Variants in CSMD1 observed in about 807,000 individuals in gnomAD.
CSMD1 encodes the protein CUB and sushi domain-containing protein 1.
A neutral mutation model predicts 417.5 loss-of-function variants in CSMD1; 213 were observed. That is an observed-to-expected ratio of 0.51 (90% confidence interval 0.46 to 0.57). The LOEUF (loss-of-function observed/expected upper bound fraction) is 0.57. Among genes scored for constraint, CSMD1 ranks in the 20% least tolerant of loss-of-function variants. CSMD1 has a pLI of 0.00. For synonymous variants in CSMD1, 2,862 were observed against 1,736.8 expected, an observed-to-expected ratio of 1.65 and a Z score of -16.11; for missense variants, 6,923 against 4,529.7, an observed-to-expected ratio of 1.53 and a Z score of -15.17.
At chr8:4,653,461 C>G (rs530143987) in intron 1 of CSMD1, among the ~76,000 whole-genome samples, 1 of 152,084 alleles carries the variant, frequency 6.6e-6, no homozygotes, top group Non-Finnish European at 1.5e-5. Context: ...CCTTTCCAGG[C>G]TAAAATTTGC....
intron 1 of CSMD1, among the ~76,000 whole-genome samples, chr8:4,647,723 G>A (rs1803625738): frequency 6.6e-6 from 1 of 152,150 alleles, no homozygotes; most frequent in African/African-American, 2.4e-5. Context: ...CTTCATCCAT[G>A]TCCCTGCAAA....
intron 49 of CSMD1, among the ~76,000 whole-genome samples, chr8:3,086,866 C>G (rs1814567940): frequency 6.6e-6 from 1 of 152,160 alleles, no homozygotes; most frequent in South Asian, 2.1e-4. Context: ...GTTAGAATAA[C>G]TTGACCCAGG....
At chr8:3,532,132 C>G (rs1443790520) in intron 10 of CSMD1, among the ~76,000 whole-genome samples, 2 of 152,168 alleles carry the variant, frequency 1.3e-5, no homozygotes, top group Non-Finnish European at 2.9e-5. Flanking sequence ...TGGGACTCCT[C>G]TCTGGAGTAG....
rs969066729 is a variant in CSMD1, at chr8:3,188,928, A to G, written c.5482T>C (p.Cys1828Arg). 6.2e-7 allele frequency: 1 copy of G among 1,608,374 alleles called. No individual in the cohort carries two copies. The highest frequency in any genetic ancestry group is 8.5e-7 in the Non-Finnish European group (1 of 1,177,206). ...YPEPYGNNLN[C>R]IWKIIVTEGS... is the part of the protein sequence containing the mutation. ...TCCGTAACTATGATCTTCCATATAC[A>G]GTTCAAGTTGTTTCCGTATGGCTCA... is the stretch of plus-strand genomic sequence containing the variant. The change falls in exon 35 of 70, where the codon TGT becomes CGT. Residue 1828 changes from cysteine to arginine, a missense_variant. Coordinates refer to ENST00000635120, the MANE Select transcript of CSMD1 (RefSeq NM_033225.6).
intron 4 of CSMD1, among the ~76,000 whole-genome samples, chr8:4,024,687 C>G (rs578053455): frequency 6.6e-6 from 1 of 152,080 alleles, no homozygotes; most frequent in Admixed American, 6.6e-5. Flanking sequence ...ATAAATGTGA[C>G]TTGTGGATAC....
intron 3 of CSMD1, among the ~76,000 whole-genome samples, chr8:4,146,115 C>T (rs960276213): frequency 2.7e-5 from 4 of 150,856 alleles, no homozygotes; most frequent in South Asian, 2.1e-4. Context: ...TAATGGCAGT[C>T]GGTGAGGAAT....
chr8:4,827,893 C>G (rs1047448568), intron 1 of CSMD1, among the ~76,000 whole-genome samples: 3 of 152,164 alleles, frequency 2.0e-5, no homozygotes, highest in South Asian at 4.1e-4. Flanking sequence ...CCTCAAGCAA[C>G]TGCTTGAAAT....
chr8:3,188,688 T>C (rs1018649111), intron 35 of CSMD1, among the ~76,000 whole-genome samples, 199 bp downstream of exon 35: 2 of 113,690 alleles, frequency 1.8e-5, no homozygotes, highest in African/African-American at 5.2e-5. Context: ...TATAGAAAAA[T>C]GGTTAGAAAT....
intron 5 of CSMD1, among the ~76,000 whole-genome samples, chr8:3,796,474 A>T (rs1043730452): frequency 7.1e-6 from 1 of 140,702 alleles, no homozygotes; most frequent in African/African-American, 2.6e-5. Flanking sequence ...TCATGTATAT[A>T]GATATCTATC....
intron 67 of CSMD1, 54 bp from the exon 68 acceptor site, chr8:2,949,440 T>G: frequency 3.3e-5 from 27 of 825,964 alleles, no homozygotes; most frequent in Middle Eastern, 2.3e-4. Context: ...AAGGGATGAA[T>G]AATATCCTCT....
chr8:2,965,473 G>C (rs978678123), intron 59 of CSMD1, among the ~76,000 whole-genome samples: 1 of 152,110 alleles, frequency 6.6e-6, no homozygotes, highest in Non-Finnish European at 1.5e-5. Context: ...ACCCAGGACA[G>C]CAAAGCACTG....
At chr8:3,852,326 G>A (rs1377777423) in intron 5 of CSMD1, among the ~76,000 whole-genome samples, 3 of 152,004 alleles carry the variant, frequency 2.0e-5, no homozygotes, top group Non-Finnish European at 4.4e-5. Flanking sequence ...AGGGAGCAAG[G>A]GAGAATGGCC....
At chr8:4,524,989 C>A (rs1169924939) in intron 2 of CSMD1, among the ~76,000 whole-genome samples, 1 of 152,106 alleles carries the variant, frequency 6.6e-6, no homozygotes, top group Non-Finnish European at 1.5e-5. Context: ...ATTTTTTTTA[C>A]TAGGTTTGTG....
rs202162965 is a variant in CSMD1 at position 4,811,700 on chromosome 8, G to GA, written c.86-174143dup. On this transcript the variant is annotated intron_variant, in intron 1 of 69. Coordinates refer to ENST00000635120, the MANE Select transcript of CSMD1 (RefSeq NM_033225.6). ...TTGGCTCATTGAGTCACAGAAATAA[G>GA]AAAAAAAATGAATACTGATTCATTT... Among the ~76,000 whole-genome samples, 549 of 151,582 alleles carry GA rather than the reference G, an allele frequency of 3.6e-3. 10 individuals carry two copies. Among genetic ancestry groups the GA allele is most frequent in the African/African-American group, 0.012 (495 of 41,348 alleles).
chr8:3,906,144 C>G (rs753293357), intron 5 of CSMD1, among the ~76,000 whole-genome samples: 2 of 152,104 alleles, frequency 1.3e-5, no homozygotes, highest in Non-Finnish European at 2.9e-5. Flanking sequence ...CACAGTGTAC[C>G]AGGTAAGCAT....
chr8:3,305,113 T>C (rs965335216), intron 25 of CSMD1, among the ~76,000 whole-genome samples: 4 of 152,166 alleles, frequency 2.6e-5, no homozygotes, highest in Non-Finnish European at 5.9e-5. Flanking sequence ...CCAACTGGGC[T>C]CAAGACATCC....
intron 3 of CSMD1, among the ~76,000 whole-genome samples, chr8:4,114,138 G>C (rs950023658): frequency 5.3e-5 from 8 of 152,206 alleles, no homozygotes; most frequent in African/African-American, 1.9e-4. Context: ...AAGAGGGTAA[G>C]TCAATGCTTG....
intron 1 of CSMD1, among the ~76,000 whole-genome samples, chr8:4,749,329 C>A (rs962941390): frequency 5.9e-5 from 9 of 152,210 alleles, no homozygotes; most frequent in Non-Finnish European, 1.2e-4. Flanking sequence ...ATCACAAAAT[C>A]TTACATTAAA....
chr8:4,070,860 T>C (rs74401270), intron 3 of CSMD1, among the ~76,000 whole-genome samples: 8 of 152,336 alleles, frequency 5.3e-5, no homozygotes, highest in African/African-American at 1.9e-4. Context: ...AATGTCTAGG[T>C]TGACAGTTCC....
Sources: gnomAD v4.1 joint callset for allele counts (sites outside exome capture counted in the v4.1 genomes callset) on GRCh38, gnomAD v4.1.1 for gene constraint, MANE v1.5 for transcripts, NCBI Gene and HGNC (gene_info 2026-07-23, HGNC 2026-07-21) for gene names.